The following LEF1 variants were observed in gnomAD, a reference collection of about 807,000 sequenced individuals.
LEF1 encodes lymphoid enhancer binding factor 1, also known as lymphoid enhancer-binding factor 1.
A neutral mutation model predicts 51.2 loss-of-function variants in LEF1; 14 were observed. The ratio of observed to expected loss-of-function variants is 0.27; its 90% CI spans 0.18 to 0.43. The LOEUF (loss-of-function observed/expected upper bound fraction) is 0.43, where lower values mean the gene tolerates loss of function less well. Ranked by LOEUF, LEF1 falls within the 20% of genes least tolerant of loss-of-function variation. The pLI, the probability that LEF1 is intolerant of heterozygous loss-of-function variation, is 1.00. For synonymous variants in LEF1, 185 were observed against 183.2 expected (o/e 1.01, Z -0.08); for missense variants, 386 against 512.0 (o/e 0.75, Z 2.37).
At chr4:108,119,626 G>T (rs923116360) in intron 3 of LEF1, among the ~76,000 whole-genome samples, 73 of 152,248 alleles carry the variant, frequency 4.8e-4, no homozygotes, top group Admixed American at 9.2e-4. Context: ...TGGCCTGTTT[G>T]GGAGTATGTT....
In LEF1 at chr4:108,168,121, C is replaced by A. The variant is rs1745535212; in HGVS notation, c.-354G>T. The A allele has an allele frequency of 6.5e-6, 1 of 152,782 alleles. No individual in the cohort carries two copies. The highest frequency in any genetic ancestry group is 1.5e-5 in the Non-Finnish European group (1 of 68,448). 9.5% of individuals were successfully genotyped at this position (152,782 alleles called of 1,614,324 possible). ...GCTGCCCCGGCGGCCACCCCGCGAC[C>A]CCGCGTCGCCGGGATTTGCGCGCGG... is the stretch of plus-strand genomic sequence containing the variant. On this transcript the variant is annotated 5_prime_UTR_variant, in exon 1 of 12. Transcript: ENST00000265165. This position sits in a 1 kb window ranked among gnomAD's most constrained non-coding sequence, Gnocchi z 4.6.
intron 3 of LEF1, among the ~76,000 whole-genome samples, chr4:108,155,034 G>A (rs764875425): frequency 3.3e-5 from 5 of 151,814 alleles, no homozygotes; most frequent in Non-Finnish European, 5.9e-5. Context: ...AAGGAAATTC[G>A]AAGGGCAAAA....
chr4:108,161,319 C>A (rs779589029), intron 3 of LEF1, among the ~76,000 whole-genome samples: 2 of 152,188 alleles, frequency 1.3e-5, no homozygotes, highest in Non-Finnish European at 2.9e-5. Context: ...GTGCAAACTG[C>A]AGAATATCTC....
chr4:108,158,100 A>T (rs919341034), intron 3 of LEF1, among the ~76,000 whole-genome samples: 2 of 151,454 alleles, frequency 1.3e-5, no homozygotes, highest in African/African-American at 4.9e-5. Flanking sequence ...TAAGGCTTTC[A>T]TCTTCTCTAT....
At chr4:108,053,684 C>A (rs1228153325) in intron 11 of LEF1, among the ~76,000 whole-genome samples, 1 of 152,232 alleles carries the variant, frequency 6.6e-6, no homozygotes, top group South Asian at 2.1e-4. Context: ...CTGTGTTTGT[C>A]TCCTCTGTGA....
chr4:108,151,634 C>A (rs1744362661), intron 3 of LEF1, among the ~76,000 whole-genome samples: 1 of 152,180 alleles, frequency 6.6e-6, no homozygotes, highest in South Asian at 2.1e-4. Flanking sequence ...GTTCCCTCAA[C>A]TGTAACACAG....
chr4:108,097,908 G>A (rs1226415104), intron 3 of LEF1, among the ~76,000 whole-genome samples: 1 of 152,188 alleles, frequency 6.6e-6, no homozygotes, highest in Non-Finnish European at 1.5e-5. Context: ...ATTAAAGTGA[G>A]TGAGAAGTCA....
chr4:108,051,342 G>A (rs1736977859), intron 11 of LEF1, among the ~76,000 whole-genome samples: 1 of 152,202 alleles, frequency 6.6e-6, no homozygotes, highest in Non-Finnish European at 1.5e-5. Flanking sequence ...ATACAGGGAT[G>A]TCAGGGGAGA....
intron 1 of LEF1, chr4:108,166,716 A>G (rs1232967567): frequency 1.7e-5 from 17 of 991,458 alleles, no homozygotes; most frequent in Non-Finnish European, 2.0e-5. Context: ...ACCCTGCAGG[A>G]CTAGTGCCCG....
chr4:108,085,740 T>C (rs1739601460), intron 4 of LEF1, among the ~76,000 whole-genome samples: 1 of 152,198 alleles, frequency 6.6e-6, no homozygotes, highest in African/African-American at 2.4e-5. Flanking sequence ...AATGTTCCTC[T>C]CATAGGCAAT....
chr4:108,148,294 T>A (rs1744122225), intron 3 of LEF1, among the ~76,000 whole-genome samples: 1 of 151,662 alleles, frequency 6.6e-6, no homozygotes, highest in Admixed American at 6.6e-5. Flanking sequence ...AAAAAATTTA[T>A]CAAGCAACTT....
At chr4:108,067,324 T>C (rs977626728) in intron 9 of LEF1, among the ~76,000 whole-genome samples, 13 of 152,168 alleles carry the variant, frequency 8.5e-5, no homozygotes, top group African/African-American at 1.9e-4. Context: ...GAGAAAGAGA[T>C]AGAATATGTA....
At chr4:108,072,580 C>G (rs1738559873) in intron 8 of LEF1, among the ~76,000 whole-genome samples, 1 of 152,166 alleles carries the variant, frequency 6.6e-6, no homozygotes, top group Admixed American at 6.5e-5. Context: ...CACAGCAGGG[C>G]TTGCCCTGAG....
At chr4:108,085,163 A>C (rs1739563498) in intron 4 of LEF1, among the ~76,000 whole-genome samples, 1 of 152,158 alleles carries the variant, frequency 6.6e-6, no homozygotes, top group South Asian at 2.1e-4. Context: ...ATTTCAGCTC[A>C]CCACAACCTC....
rs1315859630 is a variant in LEF1 at position 108,167,784 on chromosome 4, T to TCTCCG, written c.-22_-18dup. ...TTGGGGCATCCCGGCGGCTCTGTAA[T>TCTCCG]CTCCGCTCCGCTGTGGGAGCACCCG... On this transcript the variant is annotated 5_prime_UTR_variant, in exon 1 of 12. Coordinates refer to ENST00000265165, the MANE Select transcript of LEF1 (RefSeq NM_016269.5). The surrounding 1 kb of genome is among the most constrained non-coding windows in gnomAD (Gnocchi z 5.7). 6.2e-7 allele frequency: 1 copy of TCTCCG among 1,608,210 alleles called. No individual in the cohort carries two copies. Among genetic ancestry groups the TCTCCG allele is most frequent in the Admixed American group, 1.7e-5 (1 of 59,898 alleles).
At chr4:108,068,350 C>T (rs1393236307) in intron 9 of LEF1, among the ~76,000 whole-genome samples, 3 of 152,154 alleles carry the variant, frequency 2.0e-5, no homozygotes, top group Non-Finnish European at 2.9e-5. Flanking sequence ...AGGAAAACCA[C>T]GTAGATTTTG....
intron 3 of LEF1, among the ~76,000 whole-genome samples, chr4:108,135,773 G>C (rs1227395017): frequency 3.9e-5 from 6 of 152,164 alleles, no homozygotes. Context: ...CAGCCATATA[G>C]TGTAGGTAAT....
rs34987010 is a variant in LEF1 at position 108,119,993 on chromosome 4, ATGTGTGTGTGTG to A, written c.415-30748_415-30737del. Among the ~76,000 whole-genome samples the A allele has an allele frequency of 1.3e-4, 19 of 149,592 alleles. 1 individual carries two copies. The highest frequency in any genetic ancestry group is 6.4e-4 in the South Asian group (3 of 4,722). On this transcript the variant is annotated intron_variant, in intron 3 of 11. Transcript: ENST00000265165. ...ACCATTATATGTGTATATTTTATAT[ATGTGTGTGTGTG>A]TGTGTGTGTGTGTGTGTGTGTGTGT...
chr4:108,074,783 T>C (rs1211725515), intron 8 of LEF1, among the ~76,000 whole-genome samples: 1 of 152,204 alleles, frequency 6.6e-6, no homozygotes, highest in Non-Finnish European at 1.5e-5. Context: ...TTAGGACACA[T>C]GCTCGGATCT....
Sources: gnomAD v4.1 joint callset for allele counts (sites outside exome capture counted in the v4.1 genomes callset) on GRCh38, gnomAD v4.1.1 for gene constraint, Gnocchi (gnomAD v3.1) non-coding constraint, MANE v1.5 for transcripts, NCBI Gene and HGNC (gene_info 2026-07-23, HGNC 2026-07-21) for gene names.